The following LRP1B variants were observed in gnomAD, a reference collection of about 807,000 sequenced individuals.
The protein encoded by LRP1B is low-density lipoprotein receptor-related protein 1B.
LRP1B carries 217 observed loss-of-function variants against 556.6 expected under a neutral mutation model. The ratio of observed to expected loss-of-function variants is 0.39; its 90% CI spans 0.35 to 0.44. The LOEUF is 0.44. LRP1B is among the 20% of genes least tolerant of loss of function. LRP1B has a pLI of 1.00. For missense variants in LRP1B, 5,053 were observed against 5,620.8 expected (o/e 0.90, Z 3.23); for synonymous variants, 2,047 against 1,865.8 (o/e 1.10, Z -2.50).
At chr2:141,707,066 T>A (rs1158015067) in intron 2 of LRP1B, among the ~76,000 whole-genome samples, 1 of 152,064 alleles carries the variant, frequency 6.6e-6, no homozygotes, top group East Asian at 1.9e-4. Context: ...GAAGAAGTAA[T>A]AAGTTTTAGG....
intron 27 of LRP1B, among the ~76,000 whole-genome samples, chr2:140,861,164 T>A (rs13002643): frequency 6.6e-6 from 1 of 152,146 alleles, no homozygotes. Context: ...CCCAGAACTT[T>A]GGGAAGCCGA....
chr2:140,903,562 A>G (rs568065203), intron 22 of LRP1B, among the ~76,000 whole-genome samples: 1 of 152,210 alleles, frequency 6.6e-6, no homozygotes, highest in South Asian at 2.1e-4. Flanking sequence ...TGATCTTAAT[A>G]TTAGACATAT....
intron 2 of LRP1B, among the ~76,000 whole-genome samples, chr2:141,708,749 C>A (rs550083028): frequency 1.3e-5 from 2 of 152,112 alleles, no homozygotes; most frequent in South Asian, 4.2e-4. Context: ...TCAAATGAAG[C>A]CTTTAGGGTG....
intron 71 of LRP1B, among the ~76,000 whole-genome samples, chr2:140,366,153 A>C (rs911880385): frequency 1.3e-5 from 2 of 151,742 alleles, no homozygotes; most frequent in Non-Finnish European, 3.0e-5. Flanking sequence ...TGGAGGAAAA[A>C]GACATATTTC....
At chr2:140,326,779 TGA>T (rs1680507422) in intron 79 of LRP1B, among the ~76,000 whole-genome samples, 4 of 152,106 alleles carry the variant, frequency 2.6e-5, no homozygotes, top group Admixed American at 2.6e-4. Context: ...TAATTTTCTC[TGA>T]GAGTGCTTGT....
intron 2 of LRP1B, among the ~76,000 whole-genome samples, chr2:141,632,503 C>T (rs767013469): frequency 9.9e-5 from 15 of 152,070 alleles, no homozygotes; most frequent in African/African-American, 1.9e-4. Flanking sequence ...TTTCGACAGA[C>T]GAGAGAAAAG....
At chr2:141,207,291 C>A (rs1369500651) in intron 6 of LRP1B, among the ~76,000 whole-genome samples, 1 of 152,118 alleles carries the variant, frequency 6.6e-6, no homozygotes, top group Non-Finnish European at 1.5e-5. Flanking sequence ...TATGAATATT[C>A]TATAAAGATA....
At chr2:140,364,441 A>G (rs1244007649) in intron 72 of LRP1B, among the ~76,000 whole-genome samples, 3 of 151,654 alleles carry the variant, frequency 2.0e-5, no homozygotes, top group African/African-American at 7.3e-5. Flanking sequence ...TAGTGTTGAC[A>G]TGTGCAAGTT....
chr2:142,091,143 A>G (rs2104949574), intron 1 of LRP1B, among the ~76,000 whole-genome samples: 1 of 152,276 alleles, frequency 6.6e-6, no homozygotes, highest in South Asian at 2.1e-4. Context: ...AAACTGAATA[A>G]GAAGACTGCT....
chr2:141,810,113 A>AAAAGAAAGAAAG (rs67681645), intron 2 of LRP1B, among the ~76,000 whole-genome samples, 166 bp downstream of exon 2: 2,242 of 77,660 alleles, frequency 0.029, 26 homozygotes, highest in Admixed American at 0.041. Context: ...GAAAGAAAGA[A>AAAAGAAAGAAAG]AAAGAAAGAA....
rs1393251553 is a variant in LRP1B, at chr2:140,536,700, G to A, written c.7523C>T (p.Ser2508Phe). ...LEDNRCVTKN[S>F]SCNAYSEFEC... ...AAACTCCGAATAAGCGTTGCAGGAGGAATTTTTAGCTGCAAGAAAAAAAAA... is the reference window on the plus strand; with the variant it reads ...AAACTCCGAATAAGCGTTGCAGGAGAAATTTTTAGCTGCAAGAAAAAAAAA... The change falls in exon 46 of 91, where the codon TCC (serine) becomes TTC (phenylalanine). Residue 2508 changes from serine (S) to phenylalanine (F), a missense_variant. By Grantham distance (155) the Ser-to-Phe change is radical. Coordinates refer to ENST00000389484, the MANE Select transcript of LRP1B (RefSeq NM_018557.3). 1.3e-6 allele frequency: 2 copies of A among 1,577,738 alleles called. No individual in the cohort carries two copies. The highest frequency in any genetic ancestry group is 1.7e-6 in the Non-Finnish European group (2 of 1,166,662).
At chr2:142,067,282 G>A (rs763684084) in intron 1 of LRP1B, among the ~76,000 whole-genome samples, 4 of 151,160 alleles carry the variant, frequency 2.6e-5, no homozygotes, top group African/African-American at 4.9e-5. Flanking sequence ...ATAGTTTTCT[G>A]ACCCTAGGAC....
chr2:141,323,882 C>T (rs1573805796), intron 3 of LRP1B, among the ~76,000 whole-genome samples: 1 of 146,256 alleles, frequency 6.8e-6, no homozygotes. Flanking sequence ...CATACCTGAA[C>T]AAGGAAACCA....
At chr2:140,990,071 G>T (rs1004410147) in intron 16 of LRP1B, among the ~76,000 whole-genome samples, 3 of 152,004 alleles carry the variant, frequency 2.0e-5, no homozygotes, top group African/African-American at 7.2e-5. Flanking sequence ...GCCAGGCATG[G>T]TGGCGCATGC....
chr2:140,926,970 C>T (rs1453835375), intron 20 of LRP1B, among the ~76,000 whole-genome samples: 1 of 151,896 alleles, frequency 6.6e-6, no homozygotes, highest in East Asian at 1.9e-4. Context: ...CAGATTGAAC[C>T]CAGTGGAAAA....
chr2:141,631,646 T>C (rs1029416285), intron 2 of LRP1B, among the ~76,000 whole-genome samples: 1 of 151,976 alleles, frequency 6.6e-6, no homozygotes, highest in African/African-American at 2.4e-5. Flanking sequence ...TTTAACCCTG[T>C]AAGGAAAGTT....
At chr2:140,710,084 C>T (rs1316617544) in intron 37 of LRP1B, among the ~76,000 whole-genome samples, 3 of 151,922 alleles carry the variant, frequency 2.0e-5, no homozygotes, top group Non-Finnish European at 4.4e-5. Context: ...TTAAATATTG[C>T]TACATATGTC....
At chr2:142,107,567 G>C (rs1187575364) in intron 1 of LRP1B, among the ~76,000 whole-genome samples, 1 of 151,988 alleles carries the variant, frequency 6.6e-6, no homozygotes, top group Non-Finnish European at 1.5e-5. Context: ...CCATAAAATG[G>C]GCTAAGACAG....
At chr2:141,907,891 T>A (rs928477347) in intron 1 of LRP1B, among the ~76,000 whole-genome samples, 2 of 151,950 alleles carry the variant, frequency 1.3e-5, no homozygotes, top group African/African-American at 4.8e-5. Context: ...CTTTTCCAGG[T>A]AGGCACTAGA....
Sources: allele counts gnomAD v4.1 joint callset (sites outside exome capture counted in the v4.1 genomes callset), GRCh38; gene constraint gnomAD v4.1.1; transcripts MANE v1.5; gene names NCBI Gene and HGNC (gene_info 2026-07-23, HGNC 2026-07-21).